Variants in MIEF1 observed in about 807,000 individuals in gnomAD.
MIEF1 encodes the protein mitochondrial dynamics protein MIEF1.
MIEF1 carries 14 observed loss-of-function variants against 35.1 expected under a neutral mutation model. The observed-to-expected ratio is 0.40, with a 90% confidence interval of 0.26 to 0.62. MIEF1 has a LOEUF of 0.62. MIEF1 is among the 20% of genes least tolerant of loss of function. The probability of loss-of-function intolerance (pLI) is 0.43; values close to 1 mark genes in which losing one functional copy is unlikely to be tolerated. For synonymous variants in MIEF1, 245 were observed against 254.3 expected (o/e 0.96, Z 0.35); for missense variants, 542 against 615.4 (o/e 0.88, Z 1.26).
At chr22:39,512,532 G>A in intron 5 of MIEF1, 38 bp downstream of exon 5, 1 of 1,579,846 alleles carries the variant, frequency 6.3e-7, no homozygotes, top group Non-Finnish European at 8.6e-7. Flanking sequence ...GGGTTTGAGT[G>A]CTGAGCACCA....
At chr22:39,506,208 C>A (rs543873939) in intron 2 of MIEF1, among the ~76,000 whole-genome samples, 1 of 152,318 alleles carries the variant, frequency 6.6e-6, no homozygotes, top group South Asian at 2.1e-4. Context: ...GTTAATACTT[C>A]ATTCCCACAA....
At chr22:39,512,538 C>T in intron 5 of MIEF1, 44 bp downstream of exon 5, 1 of 1,573,680 alleles carries the variant, frequency 6.4e-7, no homozygotes, top group Non-Finnish European at 8.6e-7. Context: ...GAGTGCTGAG[C>T]ACCATAGTGT....
rs1231760160 is a variant in MIEF1, at chr22:39,511,928, A to G, written c.224A>G (p.Asn75Ser). 4 of 1,614,058 alleles carry G rather than the reference A, an allele frequency of 2.5e-6. No homozygotes were observed. Among genetic ancestry groups the G allele is most frequent in the East Asian group, 4.5e-5 (2 of 44,890 alleles). The change falls in exon 4 of 6, where the codon AAC becomes AGC. Residue 75 changes from asparagine (N) to serine (S), a missense_variant. Transcript: ENST00000325301. ...HSGKRSWEEP[N>S]WMGSPRLLNR... The stretch of plus-strand genomic sequence containing the variant: ...GGGAAAAGGAGCTGGGAAGAACCCA[A>G]CTGGATGGGCTCCCCACGACTGCTG...
chr22:39,506,318 T>C (rs1930014366), intron 2 of MIEF1, among the ~76,000 whole-genome samples: 1 of 151,634 alleles, frequency 6.6e-6, no homozygotes. Context: ...GTTAATGGAG[T>C]GGAGATGGGA....
Position 39,516,558 on chromosome 22 carries a change from C to T in MIEF1, c.*2235C>T, listed in dbSNP as rs745650029. On this transcript the variant is annotated 3_prime_UTR_variant, in exon 6 of 6. Transcript: ENST00000325301. ...TCTCCACGAAAAAGATAAAAATAAG[C>T]TGGGCGTGGTGGCAGGCGCCTATAA... 1 of 152,170 alleles carries T rather than the reference C, an allele frequency of 6.6e-6. No individual in the cohort carries two copies. The highest frequency in any genetic ancestry group is 1.5e-5 in the Non-Finnish European group (1 of 68,046). The allele number at this position is 152,170 out of a possible 1,614,324, so 9.4% of individuals were successfully genotyped here.
intron 2 of MIEF1, among the ~76,000 whole-genome samples, chr22:39,504,876 GTGGGAAC>G (rs1227196479): frequency 1.3e-5 from 2 of 152,182 alleles, no homozygotes; most frequent in African/African-American, 4.8e-5. Context: ...AATGCCTGGA[GTGGGAAC>G]TGCAATTTTC....
In MIEF1 at chr22:39,514,203, G is replaced by T; in HGVS notation, c.1272G>T (p.Leu424=). 3 of 1,614,230 alleles carry T rather than the reference G, an allele frequency of 1.9e-6. No homozygotes were observed. The East Asian group carries it at 6.7e-5, about 36-fold the overall frequency. The change falls in exon 6 of 6, where the codon CTG becomes CTT. Residue 424 remains leucine (L), a synonymous_variant. Transcript: ENST00000325301. ...TCAGCTACTTAGAGGCTGGAGTCCT[G>T]CCCAGTGCCCTAAACCCCAAGGTGA... ...GLISYLEAGV[L]PSALNPKVNL...
upstream of MIEF1, among the ~76,000 whole-genome samples, chr22:39,500,983 C>A (rs1929673204): frequency 6.6e-6 from 1 of 152,174 alleles, no homozygotes; most frequent in South Asian, 2.1e-4. Context: ...AGACGTGAGC[C>A]ACCGTGCCCA....
At chr22:39,511,591 C>T (rs778177879) in intron 3 of MIEF1, among the ~76,000 whole-genome samples, 153 bp downstream of exon 3, 5 of 152,098 alleles carry the variant, frequency 3.3e-5, no homozygotes, top group Admixed American at 6.5e-5. Context: ...ATAGAGTGAT[C>T]GTCATTACAT....
In MIEF1 at chr22:39,517,680, T is replaced by C. The variant is rs2145758055; in HGVS notation, c.*3357T>C. On this transcript the variant is annotated 3_prime_UTR_variant, in exon 6 of 6. Coordinates refer to ENST00000325301, the MANE Select transcript of MIEF1 (RefSeq NM_019008.6). ...TTTGTTAGAACTCTGCCCTTTTGTC[T>C]GAAACTCAAGGCCAAGGAGAATGAT... The C allele has an allele frequency of 2.1e-6, 1 of 467,764 alleles. No homozygotes were observed. The highest frequency in any genetic ancestry group is 2.0e-5 in the African/African-American group (1 of 50,098). 29.0% of individuals were successfully genotyped at this position (467,764 alleles called of 1,614,324 possible). A position where few individuals can be genotyped will look rare whatever the true frequency, so the allele number is the denominator to read the frequency against.
chr22:39,510,944 G>T (rs1299159683), intron 2 of MIEF1, among the ~76,000 whole-genome samples: 8 of 152,200 alleles, frequency 5.3e-5, no homozygotes, highest in African/African-American at 1.9e-4. Context: ...GTAGAGACCT[G>T]CATTTTAACA....
chr22:39,512,598 C>T lies in MIEF1; in HGVS notation c.585+104C>T, dbSNP rs961138757. The stretch of plus-strand genomic sequence containing the variant: ...GCTTGCCAGAAAGACTGAGGTCTTA[C>T]AGCTTCCGAATCCTGTGTACCTCAG... On this transcript the variant is annotated intron_variant, in intron 5 of 5. Coordinates refer to ENST00000325301, the MANE Select transcript of MIEF1 (RefSeq NM_019008.6). The T allele has an allele frequency of 3.3e-5, 47 of 1,418,054 alleles. No homozygotes were observed. In the South Asian group the frequency reaches 5.8e-4, roughly 17 times the overall value. The allele number at this position is 1,418,054 out of a possible 1,614,324, so 87.8% of individuals were successfully genotyped here.
Position 39,514,321 on chromosome 22 carries a change from T to C in MIEF1, c.1390T>C (p.Ter464GlnextTer3). The C allele has an allele frequency of 1.2e-6, 2 of 1,612,828 alleles. No individual in the cohort carries two copies. The highest frequency in any genetic ancestry group is 1.7e-6 in the Non-Finnish European group (2 of 1,179,324). ...LSEPEVLLQT[*>Q] Reference sequence around the variant, plus strand: ...TGAGCCAGAGGTGCTGCTGCAGACGTAGGGCAGGTGAAGGCCAAAGCGGGT... The same window carrying C: ...TGAGCCAGAGGTGCTGCTGCAGACGCAGGGCAGGTGAAGGCCAAAGCGGGT... The change falls in exon 6 of 6, where the codon TAG (stop) becomes CAG (glutamine). Residue 464 changes from the stop codon to glutamine (Q), a stop_lost. Coordinates refer to ENST00000325301, the MANE Select transcript of MIEF1 (RefSeq NM_019008.6).
chr22:39,509,103 C>A (rs891041455), intron 2 of MIEF1, among the ~76,000 whole-genome samples: 1 of 151,868 alleles, frequency 6.6e-6, no homozygotes. Context: ...TACAGGCATG[C>A]ACCATCATGC....
Position 39,515,975 on chromosome 22 carries a change from T to C in MIEF1, c.*1652T>C, listed in dbSNP as rs1397936422. ...CCCTCTTTTGTCACAGATTAGGAAA[T>C]TGAGAACTAGGGTTAACCTTGACTA... On this transcript the variant is annotated 3_prime_UTR_variant, in exon 6 of 6. Coordinates refer to ENST00000325301, the MANE Select transcript of MIEF1 (RefSeq NM_019008.6). The C allele has an allele frequency of 2.0e-5, 3 of 152,606 alleles. No individual in the cohort carries two copies. The highest frequency in any genetic ancestry group is 7.2e-5 in the African/African-American group (3 of 41,426). 9.5% of individuals were successfully genotyped at this position (152,606 alleles called of 1,614,324 possible).
chr22:39,502,260 T>A (rs887912670), upstream of MIEF1: 1 of 152,376 alleles, frequency 6.6e-6, no homozygotes, highest in Non-Finnish European at 1.5e-5. Context: ...GAGAGAGAGC[T>A]TGGAGAAGAC....
chr22:39,507,330 C>T (rs1247232885), intron 2 of MIEF1, among the ~76,000 whole-genome samples: 1 of 151,964 alleles, frequency 6.6e-6, no homozygotes, highest in Non-Finnish European at 1.5e-5. Flanking sequence ...ACTGCAACCT[C>T]TGCCTCCCGA....
rs564513623 is a variant in MIEF1 at position 39,515,714 on chromosome 22, G to A, written c.*1391G>A. 1 of 234,806 alleles carries A rather than the reference G, an allele frequency of 4.3e-6. No individual in the cohort carries two copies. The highest frequency in any genetic ancestry group is 2.3e-5 in the African/African-American group (1 of 44,432). 14.5% of individuals were successfully genotyped at this position (234,806 alleles called of 1,614,324 possible). On this transcript the variant is annotated 3_prime_UTR_variant, in exon 6 of 6. Transcript: ENST00000325301. The stretch of plus-strand genomic sequence containing the variant: ...TCTACCATGTCCGTGTGTCATCTTG[G>A]TTTGTGTTTTTCCCTGTTTGTAGCA...
At chr22:39,508,726 C>T (rs1485962299) in intron 2 of MIEF1, among the ~76,000 whole-genome samples, 3 of 152,194 alleles carry the variant, frequency 2.0e-5, no homozygotes, top group Non-Finnish European at 4.4e-5. Flanking sequence ...AATAGTCTTT[C>T]ATGTCCCTAA....
Sources: allele counts gnomAD v4.1 joint callset (sites outside exome capture counted in the v4.1 genomes callset), GRCh38; gene constraint gnomAD v4.1.1; transcripts MANE v1.5; gene names NCBI Gene and HGNC (gene_info 2026-07-23, HGNC 2026-07-21).